Variants in CADM2 observed in about 807,000 individuals in gnomAD.
CADM2 encodes immunoglobulin superfamily member 4D.
CADM2 carries 12 observed loss-of-function variants against 49.8 expected under a neutral mutation model. The ratio of observed to expected loss-of-function variants is 0.24; its 90% confidence interval spans 0.15 to 0.39. CADM2 has a LOEUF of 0.39. CADM2 is among the 10% of genes least tolerant of loss of function. CADM2 has a pLI of 1.00. For missense variants in CADM2, 378 were observed against 492.3 expected (o/e 0.77, Z 2.20); for synonymous variants, 214 against 175.4 (o/e 1.22, Z -1.74).
chr3:85,090,133 T>C (rs2037539888), intron 1 of CADM2, among the ~76,000 whole-genome samples: 1 of 152,148 alleles, frequency 6.6e-6, no homozygotes, highest in African/African-American at 2.4e-5. Flanking sequence ...TTTGAACATA[T>C]GAGTTTATAT....
rs1330312162 is a variant in CADM2, at chr3:85,731,307, T to A, written c.88+4759T>A. Among the ~76,000 whole-genome samples, 12 of 152,282 alleles carry A rather than the reference T, an allele frequency of 7.9e-5. 1 individual carries two copies. The South Asian group carries it at 1.0e-3, about 13-fold the overall frequency. On this transcript the variant is annotated intron_variant, in intron 2 of 9. Coordinates refer to ENST00000383699, the MANE Select transcript of CADM2 (RefSeq NM_001167675.2). ...TTTGTATCATGTAGTATTTCTTATATATTAAGACTTACATTTTGTAGTCAG... is the reference window on the plus strand; with the variant it reads ...TTTGTATCATGTAGTATTTCTTATAAATTAAGACTTACATTTTGTAGTCAG...
At chr3:85,334,532 A>G (rs1436226700) in intron 1 of CADM2, among the ~76,000 whole-genome samples, 3 of 151,638 alleles carry the variant, frequency 2.0e-5, no homozygotes, top group Non-Finnish European at 3.0e-5. Flanking sequence ...TCAATGTTCA[A>G]CAATGACTGA....
At chr3:85,574,149 C>G (rs1167386307) in intron 1 of CADM2, among the ~76,000 whole-genome samples, 1 of 152,140 alleles carries the variant, frequency 6.6e-6, no homozygotes, top group Non-Finnish European at 1.5e-5. Context: ...ATTTCTAGTC[C>G]TCAGTCTGGG....
chr3:85,297,174 C>G (rs1441524625), intron 1 of CADM2, among the ~76,000 whole-genome samples: 1 of 149,794 alleles, frequency 6.7e-6, no homozygotes, highest in African/African-American at 2.5e-5. Context: ...ATTGATATAG[C>G]TAAGCGTCAG....
rs897973022 is a variant in CADM2 at position 85,566,811 on chromosome 3, T to C, written c.62-159711T>C. Among the ~76,000 whole-genome samples, 4 of 152,198 alleles carry C rather than the reference T, an allele frequency of 2.6e-5. No homozygotes were observed. In the East Asian group the frequency reaches 5.8e-4, roughly 22 times the overall value. ...GCAATTGAAGATCGCAAGGATGCTA[T>C]TGAAGATGCTGACCCGTGTCTTTTC... On this transcript the variant is annotated intron_variant, in intron 1 of 9. Coordinates refer to ENST00000383699, the MANE Select transcript of CADM2 (RefSeq NM_001167675.2).
intron 1 of CADM2, among the ~76,000 whole-genome samples, chr3:85,422,826 G>A (rs1001029121): frequency 1.3e-5 from 2 of 151,932 alleles, no homozygotes; most frequent in Admixed American, 6.6e-5. Context: ...TGGGGCGAGC[G>A]CTTTGGGGCT....
At chr3:85,477,482 A>T (rs573704651) in intron 1 of CADM2, among the ~76,000 whole-genome samples, 108 of 152,060 alleles carry the variant, frequency 7.1e-4, no homozygotes, top group Non-Finnish European at 1.4e-3. Flanking sequence ...CTTTTCACAG[A>T]TGATGGAAAA....
intron 1 of CADM2, among the ~76,000 whole-genome samples, chr3:85,327,999 CTG>C (rs2044803597): frequency 6.6e-6 from 1 of 152,142 alleles, no homozygotes; most frequent in Non-Finnish European, 1.5e-5. Context: ...AGATGAATCA[CTG>C]TGATTATTGT....
At chr3:85,852,497 T>A (rs1277513973) in intron 3 of CADM2, among the ~76,000 whole-genome samples, 1 of 152,094 alleles carries the variant, frequency 6.6e-6, no homozygotes, top group Admixed American at 6.5e-5. Flanking sequence ...ACTGGTTGAG[T>A]TGAATAGTTC....
intron 1 of CADM2, among the ~76,000 whole-genome samples, chr3:85,019,838 C>T (rs770367147): frequency 9.2e-5 from 14 of 152,074 alleles, no homozygotes; most frequent in Non-Finnish European, 2.1e-4. Context: ...ATTACAAGTT[C>T]AGAATTTGAG....
At chr3:85,545,347 A>G (rs918984730) in intron 1 of CADM2, among the ~76,000 whole-genome samples, 2 of 152,194 alleles carry the variant, frequency 1.3e-5, no homozygotes, top group East Asian at 1.9e-4. Context: ...TTCCACACAC[A>G]GTCTCTTTCA....
rs1482726008 is a variant in CADM2, at chr3:85,401,147, C to A, written c.62-325375C>A. 2.0e-5 allele frequency among the ~76,000 whole-genome samples: 3 copies of A among 152,150 alleles called. No individual in the cohort carries two copies. The South Asian group carries it at 6.2e-4, about 31-fold the overall frequency. On this transcript the variant is annotated intron_variant, in intron 1 of 9. Transcript: ENST00000383699. ...TCCTCCTCTCACCACTAAGCTGGAC[C>A]AGAAGCTCTGTTTACCACACTCATG...
At chr3:85,013,154 A>AC (rs1454822595) in intron 1 of CADM2, among the ~76,000 whole-genome samples, 35 of 151,914 alleles carry the variant, frequency 2.3e-4, no homozygotes, top group African/African-American at 8.0e-4. Context: ...AAAAAAAAAA[A>AC]AAAATACCAA....
At chr3:85,178,313 A>G (rs2040838587) in intron 1 of CADM2, among the ~76,000 whole-genome samples, 1 of 151,918 alleles carries the variant, frequency 6.6e-6, no homozygotes, top group Non-Finnish European at 1.5e-5. Flanking sequence ...ATTGGTACAC[A>G]TTATACATGA....
intron 8 of CADM2, chr3:86,014,828 A>C: frequency 6.7e-7 from 1 of 1,502,104 alleles, no homozygotes. Context: ...CCATCTATGA[A>C]GCCCTCCACC....
At chr3:85,911,131 G>C (rs946335772) in intron 5 of CADM2, among the ~76,000 whole-genome samples, 9 of 151,990 alleles carry the variant, frequency 5.9e-5, no homozygotes, top group Non-Finnish European at 1.3e-4. Flanking sequence ...ATGTTTATTT[G>C]ATACTGAATG....
At chr3:84,981,727 T>G (rs1318682326) in intron 1 of CADM2, among the ~76,000 whole-genome samples, 1 of 151,936 alleles carries the variant, frequency 6.6e-6, no homozygotes, top group Non-Finnish European at 1.5e-5. Flanking sequence ...CTGCAAAGAG[T>G]CTTTCTCTTT....
intron 1 of CADM2, among the ~76,000 whole-genome samples, chr3:85,365,859 G>T (rs2032745260): frequency 6.6e-6 from 1 of 152,090 alleles, no homozygotes; most frequent in Non-Finnish European, 1.5e-5. Flanking sequence ...TGTGCATTCT[G>T]ACCCTAATTG....
intron 1 of CADM2, among the ~76,000 whole-genome samples, chr3:85,607,623 C>A (rs540392330): frequency 2.6e-4 from 40 of 152,180 alleles, no homozygotes; most frequent in African/African-American, 9.1e-4. Flanking sequence ...TACCTATACC[C>A]CATAAATATA....
Sources: gnomAD v4.1 joint callset for allele counts (sites outside exome capture counted in the v4.1 genomes callset) on GRCh38, gnomAD v4.1.1 for gene constraint, MANE v1.5 for transcripts, NCBI Gene and HGNC (gene_info 2026-07-23, HGNC 2026-07-21) for gene names.